The following NKAIN2 variants were observed in gnomAD, a reference collection of about 807,000 sequenced individuals.
NKAIN2 encodes the protein sodium/potassium transporting ATPase interacting 2.
Under a neutral mutation model 32.6 loss-of-function variants are expected in NKAIN2, and 14 were observed. The ratio of observed to expected loss-of-function variants is 0.43; its 90% CI spans 0.28 to 0.67. The LOEUF is 0.67. Ranked by LOEUF, NKAIN2 falls within the 30% of genes least tolerant of loss-of-function variation. NKAIN2 has a pLI of 0.17. For missense variants in NKAIN2, 198 were observed against 258.3 expected, an observed-to-expected ratio of 0.77 and a Z score of 1.60; for synonymous variants, 80 against 87.2, an observed-to-expected ratio of 0.92 and a Z score of 0.46.
chr6:123,948,262 T>G (rs1314136761), intron 1 of NKAIN2, among the ~76,000 whole-genome samples: 4 of 152,128 alleles, frequency 2.6e-5, no homozygotes, highest in African/African-American at 9.6e-5. Context: ...TAAACTGATT[T>G]CTTTTCCATT....
intron 1 of NKAIN2, among the ~76,000 whole-genome samples, chr6:124,173,660 C>G (rs545864153): frequency 1.3e-5 from 2 of 152,068 alleles, no homozygotes; most frequent in African/African-American, 4.8e-5. Context: ...TTGATACTGA[C>G]TTTATGATAC....
chr6:124,623,496 A>T (rs760252971), intron 3 of NKAIN2, among the ~76,000 whole-genome samples: 84 of 152,186 alleles, frequency 5.5e-4, no homozygotes, highest in Non-Finnish European at 1.1e-3. Context: ...AGTTCCACAG[A>T]TCTTAAAGTT....
intron 3 of NKAIN2, among the ~76,000 whole-genome samples, chr6:124,498,432 C>A (rs1040964672): frequency 6.6e-6 from 1 of 152,062 alleles, no homozygotes; most frequent in Non-Finnish European, 1.5e-5. Flanking sequence ...GTGCAGAACT[C>A]GGTGAGGGCT....
intron 3 of NKAIN2, among the ~76,000 whole-genome samples, chr6:124,562,607 TTTTA>T (rs1399537350): frequency 6.6e-6 from 1 of 152,204 alleles, no homozygotes; most frequent in African/African-American, 2.4e-5. Context: ...TGTTCAAAAT[TTTTA>T]TTTATCAATT....
chr6:123,901,629 A>G (rs1349290231), intron 1 of NKAIN2, among the ~76,000 whole-genome samples: 1 of 152,160 alleles, frequency 6.6e-6, no homozygotes. Flanking sequence ...CTCCCTCTGC[A>G]TATCAGTCAT....
At chr6:123,945,398 T>C (rs1014330335) in intron 1 of NKAIN2, among the ~76,000 whole-genome samples, 1 of 152,102 alleles carries the variant, frequency 6.6e-6, no homozygotes, top group Non-Finnish European at 1.5e-5. Context: ...TGTGACTGTG[T>C]GGTAAAATTC....
chr6:123,923,432 A>G (rs534966467), intron 1 of NKAIN2, among the ~76,000 whole-genome samples: 1 of 151,856 alleles, frequency 6.6e-6, no homozygotes, highest in Non-Finnish European at 1.5e-5. Context: ...TCGCAGAGGC[A>G]TGGGATTTGT....
At chr6:124,232,033 C>A (rs1049092014) in intron 1 of NKAIN2, among the ~76,000 whole-genome samples, 1 of 152,132 alleles carries the variant, frequency 6.6e-6, no homozygotes, top group East Asian at 1.9e-4. Flanking sequence ...AAACTCCGTT[C>A]TTGTAGGCAC....
At chr6:124,454,372 A>C (rs898620012) in intron 3 of NKAIN2, among the ~76,000 whole-genome samples, 2 of 152,090 alleles carry the variant, frequency 1.3e-5, no homozygotes, top group Non-Finnish European at 2.9e-5. Context: ...GTAAATTGGC[A>C]TATACAGTGT....
intron 3 of NKAIN2, among the ~76,000 whole-genome samples, chr6:124,456,043 C>T (rs1019730045): frequency 6.6e-6 from 1 of 151,760 alleles, no homozygotes; most frequent in Non-Finnish European, 1.5e-5. Flanking sequence ...TTGTAAGTGA[C>T]ATTTTTTTTT....
At chr6:124,300,938 G>A (rs944825116) in intron 2 of NKAIN2, among the ~76,000 whole-genome samples, 1 of 152,172 alleles carries the variant, frequency 6.6e-6, no homozygotes, top group Non-Finnish European at 1.5e-5. Context: ...CATTTTCTGG[G>A]TATAAATTCA....
chr6:124,144,462 T>C (rs1240946700), intron 1 of NKAIN2, among the ~76,000 whole-genome samples: 2 of 151,808 alleles, frequency 1.3e-5, no homozygotes. Flanking sequence ...ACAGAATAGA[T>C]CCAAGAAATA....
intron 3 of NKAIN2, among the ~76,000 whole-genome samples, chr6:124,476,228 G>A (rs1562208853): frequency 6.6e-6 from 1 of 152,196 alleles, no homozygotes; most frequent in East Asian, 1.9e-4. Context: ...TGTCTTTGGT[G>A]TTTACATTTT....
intron 3 of NKAIN2, among the ~76,000 whole-genome samples, chr6:124,511,086 C>T (rs934855014): frequency 6.6e-6 from 1 of 151,972 alleles, no homozygotes; most frequent in Non-Finnish European, 1.5e-5. Flanking sequence ...TGAGTCACAA[C>T]CAGCAGTAAT....
At chr6:124,718,748 A>G (rs1775877412) in intron 4 of NKAIN2, among the ~76,000 whole-genome samples, 1 of 151,244 alleles carries the variant, frequency 6.6e-6, no homozygotes. Flanking sequence ...GCTGGCAGAA[A>G]GTTAAGTGCT....
chr6:123,852,512 T>G (rs893346509), intron 1 of NKAIN2, among the ~76,000 whole-genome samples: 3 of 152,186 alleles, frequency 2.0e-5, no homozygotes, highest in Non-Finnish European at 4.4e-5. Flanking sequence ...ACTGAGTATA[T>G]ATTCAAAGGA....
At chr6:124,416,196 C>A (rs1468413936) in intron 3 of NKAIN2, among the ~76,000 whole-genome samples, 3 of 152,150 alleles carry the variant, frequency 2.0e-5, no homozygotes, top group Non-Finnish European at 4.4e-5. Flanking sequence ...GCCAGCATGG[C>A]ATTGAGTAGC....
chr6:124,762,055 C>A (rs1778292814), intron 4 of NKAIN2, among the ~76,000 whole-genome samples: 1 of 152,116 alleles, frequency 6.6e-6, no homozygotes, highest in South Asian at 2.1e-4. Context: ...TATAAGAGTT[C>A]ATAGCTCATA....
rs575782523 is a variant in NKAIN2 at position 124,589,844 on chromosome 6, C to T, written c.274-68342C>T. ...CCTCCTTTTGCCCCCCACCCCCCAA[C>T]AAGCCCTGGCATATGATGTTCCCCT... On this transcript the variant is annotated intron_variant, in intron 3 of 6. Coordinates refer to ENST00000368417, the MANE Select transcript of NKAIN2 (RefSeq NM_001040214.3). 5.9e-5 allele frequency among the ~76,000 whole-genome samples: 9 copies of T among 151,824 alleles called. No individual in the cohort carries two copies. The East Asian group carries it at 1.6e-3, about 26-fold the overall frequency.
Sources: gnomAD v4.1 joint callset for allele counts (sites outside exome capture counted in the v4.1 genomes callset) on GRCh38, gnomAD v4.1.1 for gene constraint, MANE v1.5 for transcripts, NCBI Gene and HGNC (gene_info 2026-07-23, HGNC 2026-07-21) for gene names.